The following RBFOX1 variants were observed in gnomAD, a reference collection of about 807,000 sequenced individuals.
RBFOX1 encodes the protein RNA binding fox-1 homolog 1.
A neutral mutation model predicts 57.7 loss-of-function variants in RBFOX1; 8 were observed. The ratio of observed to expected loss-of-function variants is 0.14; its 90% CI spans 0.08 to 0.25. The LOEUF (loss-of-function observed/expected upper bound fraction) is 0.25, where lower values mean the gene tolerates loss of function less well. Ranked by LOEUF, RBFOX1 falls within the 10% of genes least tolerant of loss-of-function variation. The pLI, the probability that RBFOX1 is intolerant of heterozygous loss-of-function variation, is 1.00. For missense variants in RBFOX1, 611 were observed against 548.5 expected (o/e 1.11, Z -1.14); for synonymous variants, 326 against 222.4 (o/e 1.47, Z -4.15).
chr16:7,036,844 G>A (rs2044618423), intron 3 of RBFOX1, among the ~76,000 whole-genome samples: 1 of 152,208 alleles, frequency 6.6e-6, no homozygotes, highest in African/African-American at 2.4e-5. Flanking sequence ...TGGATGAAGG[G>A]CAGAGGAGCC....
At chr16:5,854,467 A>G (rs2151871122) in intron 3 of RBFOX1, among the ~76,000 whole-genome samples, 1 of 152,298 alleles carries the variant, frequency 6.6e-6, no homozygotes, top group East Asian at 1.9e-4. Flanking sequence ...TTCACTTAGC[A>G]TAATGTCCTC....
intron 4 of RBFOX1, among the ~76,000 whole-genome samples, chr16:7,270,820 C>G (rs1028930095): frequency 6.6e-6 from 1 of 152,180 alleles, no homozygotes; most frequent in African/African-American, 2.4e-5. Context: ...TCCCCGCTTT[C>G]TCCCTTTCTG....
chr16:7,484,195 C>T (rs559493555), intron 4 of RBFOX1, among the ~76,000 whole-genome samples: 2 of 152,180 alleles, frequency 1.3e-5, no homozygotes, highest in South Asian at 2.1e-4. Flanking sequence ...CTGAGTGGTA[C>T]GTCACGGTAG....
chr16:5,990,972 C>A (rs1420559419), intron 4 of RBFOX1, among the ~76,000 whole-genome samples: 3 of 151,964 alleles, frequency 2.0e-5, no homozygotes, highest in African/African-American at 7.3e-5. Flanking sequence ...AAGACTCTGT[C>A]AGAGAGAGAA....
chr16:5,967,872 T>C (rs557753930), intron 4 of RBFOX1, among the ~76,000 whole-genome samples: 53 of 152,318 alleles, frequency 3.5e-4, no homozygotes, highest in Admixed American at 3.5e-3. Context: ...GGGGACTGGC[T>C]GTTTTGTTTT....
chr16:6,112,902 C>CTACATT (rs2096461664), intron 1 of RBFOX1, among the ~76,000 whole-genome samples: 1 of 152,036 alleles, frequency 6.6e-6, no homozygotes, highest in Non-Finnish European at 1.5e-5. Flanking sequence ...TTTGCTACAT[C>CTACATT]AGCTTTTAAG....
At chr16:6,206,958 A>G (rs1376940185) in intron 1 of RBFOX1, among the ~76,000 whole-genome samples, 1 of 150,694 alleles carries the variant, frequency 6.6e-6, no homozygotes, top group Non-Finnish European at 1.5e-5. Flanking sequence ...TTCTTAAGAT[A>G]GTGAACTGGA....
chr16:6,854,714 C>T (rs899266482), intron 3 of RBFOX1, among the ~76,000 whole-genome samples: 4 of 150,220 alleles, frequency 2.7e-5, no homozygotes, highest in South Asian at 2.1e-4. Context: ...CCTGCGTCAG[C>T]CTCCCGAGTA....
At chr16:5,242,166 G>T (rs1199944714) in intron 1 of RBFOX1, among the ~76,000 whole-genome samples, 8 of 152,064 alleles carry the variant, frequency 5.3e-5, no homozygotes, top group Non-Finnish European at 1.0e-4. Flanking sequence ...TCTTAAGCCA[G>T]AATCTCCATT....
At chr16:6,542,507 T>TTTTTTTTTA (rs3066933) in intron 2 of RBFOX1, among the ~76,000 whole-genome samples, 1 of 107,042 alleles carries the variant, frequency 9.3e-6, no homozygotes, top group African/African-American at 3.4e-5. Flanking sequence ...TTTTTTTTTT[T>TTTTTTTTTA]GAGCAGGAGT....
chr16:6,396,709 ATGTCCT>A (rs1259412830), intron 2 of RBFOX1, among the ~76,000 whole-genome samples: 2 of 152,134 alleles, frequency 1.3e-5, no homozygotes, highest in Non-Finnish European at 2.9e-5. Context: ...ATTATCCATG[ATGTCCT>A]TTTAAATAAA....
chr16:6,483,809 C>T (rs1172590475), intron 2 of RBFOX1: 31 of 1,358,386 alleles, frequency 2.3e-5, no homozygotes, highest in Admixed American at 3.1e-5. Context: ...TGTGCGCCTC[C>T]GGGGCTGCTG....
chr16:7,039,300 C>T (rs2045456400), intron 3 of RBFOX1, among the ~76,000 whole-genome samples: 1 of 152,174 alleles, frequency 6.6e-6, no homozygotes. Flanking sequence ...TTTCGTCCGT[C>T]TCCCTTGACC....
intron 3 of RBFOX1, among the ~76,000 whole-genome samples, chr16:6,659,008 G>A (rs762185827): frequency 6.6e-6 from 1 of 151,682 alleles, no homozygotes; most frequent in Non-Finnish European, 1.5e-5. Flanking sequence ...AAAGGTGACG[G>A]GAGGTAACCC....
At chr16:6,852,699 A>C (rs2094134730) in intron 3 of RBFOX1, among the ~76,000 whole-genome samples, 1 of 151,534 alleles carries the variant, frequency 6.6e-6, no homozygotes, top group Non-Finnish European at 1.5e-5. Context: ...GCATGCCAGG[A>C]AATAGCTGTG....
intron 4 of RBFOX1, among the ~76,000 whole-genome samples, chr16:7,170,503 T>C (rs1182043686): frequency 6.6e-6 from 1 of 152,140 alleles, no homozygotes; most frequent in Non-Finnish European, 1.5e-5. Context: ...CTCAAATTCC[T>C]CAGCTCAAGT....
At chr16:6,841,770 A>C (rs187899516) in intron 3 of RBFOX1, among the ~76,000 whole-genome samples, 444 of 152,228 alleles carry the variant, frequency 2.9e-3, no homozygotes, top group Middle Eastern at 6.8e-3. Context: ...CATGCAGCTT[A>C]AGGGTTCCAT....
chr16:5,916,048 A>G (rs558728951), intron 4 of RBFOX1, among the ~76,000 whole-genome samples: 1 of 152,118 alleles, frequency 6.6e-6, no homozygotes, highest in Middle Eastern at 3.2e-3. Context: ...CCTGGTAGCT[A>G]TAAGATTGGA....
At chr16:6,308,996 G>A (rs1297399716) in intron 1 of RBFOX1, among the ~76,000 whole-genome samples, 2 of 151,954 alleles carry the variant, frequency 1.3e-5, no homozygotes, top group East Asian at 3.9e-4. Context: ...ATATTTCCCA[G>A]CTGAAAAGAC....
Sources: gnomAD v4.1 joint callset for allele counts (sites outside exome capture counted in the v4.1 genomes callset) on GRCh38, gnomAD v4.1.1 for gene constraint, MANE v1.5 for transcripts, NCBI Gene and HGNC (gene_info 2026-07-23, HGNC 2026-07-21) for gene names.